Variants in DAB1 observed in about 807,000 individuals in gnomAD.
The protein encoded by DAB1 is DAB adaptor protein 1.
In DAB1, 15 loss-of-function variants were observed where a neutral mutation model predicts 64.6. The observed-to-expected ratio is 0.23, with a 90% CI of 0.16 to 0.36. The LOEUF (loss-of-function observed/expected upper bound fraction) is 0.36. Ranked by LOEUF, DAB1 falls within the 10% of genes least tolerant of loss-of-function variation. The pLI is 1.00. For synonymous variants in DAB1, 235 were observed against 251.9 expected, an observed-to-expected ratio of 0.93 and a Z score of 0.64; for missense variants, 596 against 706.7, an observed-to-expected ratio of 0.84 and a Z score of 1.78.
chr1:57,949,915 A>G (rs1253068915), intron 5 of DAB1, among the ~76,000 whole-genome samples: 1 of 152,184 alleles, frequency 6.6e-6, no homozygotes, highest in Non-Finnish European at 1.5e-5. Flanking sequence ...AAATCCTCAG[A>G]AAAGTCCTAG....
At chr1:58,024,718 G>A (rs1217316576) in intron 5 of DAB1, among the ~76,000 whole-genome samples, 5 of 152,130 alleles carry the variant, frequency 3.3e-5, no homozygotes, top group Non-Finnish European at 7.4e-5. Flanking sequence ...GGGTGTTTCT[G>A]GATGATATTA....
chr1:58,192,742 TA>T (rs1361559391), intron 4 of DAB1, among the ~76,000 whole-genome samples: 1 of 152,226 alleles, frequency 6.6e-6, no homozygotes, highest in Non-Finnish European at 1.5e-5. Flanking sequence ...ATATTTTTGC[TA>T]TTGTGAATAG....
chr1:58,425,660 T>C (rs747453453), intron 3 of DAB1, among the ~76,000 whole-genome samples: 60 of 152,190 alleles, frequency 3.9e-4, no homozygotes, highest in Non-Finnish European at 7.1e-4. Flanking sequence ...ATTTTAAGGA[T>C]AAGCAGAAAA....
In DAB1 at chr1:58,258,788, A is replaced by G. The variant is rs61779247; in HGVS notation, n.309+84564T>C. Among the ~76,000 whole-genome samples, 546 of 152,154 alleles carry G rather than the reference A, an allele frequency of 3.6e-3. 2 individuals carry two copies. The highest frequency in any genetic ancestry group is 6.6e-3 in the Non-Finnish European group (449 of 68,022). Reference sequence around the variant, plus strand: ...ATGTTTTCAATTAACGTGGGTTAGTAGGTGTTGAAGGGGGTCTATAGCAAT... The same window carrying G: ...ATGTTTTCAATTAACGTGGGTTAGTGGGTGTTGAAGGGGGTCTATAGCAAT... On this transcript the variant is annotated intron_variant and non_coding_transcript_variant, in intron 4 of 20. Coordinates refer to the DAB1 transcript ENST00000485760.
intron 7 of DAB1, among the ~76,000 whole-genome samples, chr1:57,478,903 T>C (rs1383177520): frequency 1.3e-5 from 2 of 152,044 alleles, no homozygotes; most frequent in Admixed American, 6.6e-5. Context: ...CCCGGCCCGG[T>C]TCCCATTCTT....
At position 58,476,080 on chromosome 1, in the gene DAB1, A is replaced by T. The variant is rs968414567; in HGVS notation, n.257+29980T>A. ...AAAAAACAAATCTGATTTTAGACCA[A>T]TGCTGCCCAGGACAAGGTCCCGGGC... On this transcript the variant is annotated intron_variant and non_coding_transcript_variant, in intron 3 of 20. Transcript: ENST00000485760. 2.0e-5 allele frequency among the ~76,000 whole-genome samples: 3 copies of T among 152,332 alleles called. No individual in the cohort carries two copies. The East Asian group carries it at 5.8e-4, about 29-fold the overall frequency.
At chr1:58,495,071 A>T (rs1289684821) in intron 3 of DAB1, among the ~76,000 whole-genome samples, 1 of 152,212 alleles carries the variant, frequency 6.6e-6, no homozygotes, top group Non-Finnish European at 1.5e-5. Context: ...CATATACAGC[A>T]TGGAATACTA....
At chr1:57,715,499 G>A (rs1647073605) in intron 6 of DAB1, among the ~76,000 whole-genome samples, 1 of 152,138 alleles carries the variant, frequency 6.6e-6, no homozygotes, top group Admixed American at 6.5e-5. Flanking sequence ...AAGCCAAATT[G>A]TTTCTGTTTG....
At chr1:57,982,510 T>G (rs1023758750) in intron 5 of DAB1, among the ~76,000 whole-genome samples, 2 of 152,184 alleles carry the variant, frequency 1.3e-5, no homozygotes, top group African/African-American at 4.8e-5. Context: ...CAAGCTGGTG[T>G]CAGGATGAGA....
At chr1:57,819,224 G>A (rs1002043665) in intron 6 of DAB1, among the ~76,000 whole-genome samples, 3 of 152,186 alleles carry the variant, frequency 2.0e-5, no homozygotes, top group African/African-American at 7.2e-5. Flanking sequence ...ATTTCAAGGC[G>A]CAGTTGAAAG....
chr1:58,042,284 C>A (rs890482718), intron 5 of DAB1, among the ~76,000 whole-genome samples: 1 of 152,204 alleles, frequency 6.6e-6, no homozygotes, highest in East Asian at 1.9e-4. Context: ...AATGGTACCA[C>A]ATTTTAATAA....
intron 10 of DAB1, 72 bp downstream of exon 10, chr1:57,025,909 A>T (rs1646769889): frequency 2.4e-6 from 3 of 1,260,054 alleles, no homozygotes; most frequent in Non-Finnish European, 3.3e-6. Context: ...CAAAGCCCAT[A>T]TTCTGGCCAC....
chr1:58,276,235 A>C (rs918895885), intron 4 of DAB1, among the ~76,000 whole-genome samples: 1 of 152,216 alleles, frequency 6.6e-6, no homozygotes, highest in Non-Finnish European at 1.5e-5. Context: ...AATTGAGTGC[A>C]TGACAATGTG....
intron 10 of DAB1, among the ~76,000 whole-genome samples, chr1:57,024,589 G>C (rs1248275199): frequency 6.6e-6 from 1 of 152,142 alleles, no homozygotes; most frequent in African/African-American, 2.4e-5. Flanking sequence ...TACCCATTTG[G>C]ACTGCGCTTG....
intron 4 of DAB1, among the ~76,000 whole-genome samples, chr1:57,087,809 G>T (rs1245024190): frequency 6.6e-6 from 1 of 152,142 alleles, no homozygotes; most frequent in African/African-American, 2.4e-5. Context: ...ATTCTGATTT[G>T]CAATGACTCA....
intron 4 of DAB1, among the ~76,000 whole-genome samples, chr1:57,101,242 G>C (rs1654661864): frequency 6.6e-6 from 1 of 152,154 alleles, no homozygotes; most frequent in East Asian, 1.9e-4. Flanking sequence ...AATCCTTTTT[G>C]AATCTCTTCT....
chr1:57,658,224 T>C (rs908894212), intron 6 of DAB1, among the ~76,000 whole-genome samples: 1 of 152,154 alleles, frequency 6.6e-6, no homozygotes, highest in Non-Finnish European at 1.5e-5. Flanking sequence ...CTTCTACCCC[T>C]GCTTCTATGT....
At chr1:57,840,848 C>T (rs1372546860) in intron 1 of DAB1, among the ~76,000 whole-genome samples, 1 of 152,200 alleles carries the variant, frequency 6.6e-6, no homozygotes, top group Non-Finnish European at 1.5e-5. Flanking sequence ...GGACACAGAA[C>T]CAAACCATAT....
At chr1:57,544,037 C>A (rs529494636) in intron 7 of DAB1, among the ~76,000 whole-genome samples, 4 of 152,198 alleles carry the variant, frequency 2.6e-5, no homozygotes, top group Admixed American at 2.6e-4. Flanking sequence ...GAGGTAGAAG[C>A]CAGAGTCTGG....
Sources: gnomAD v4.1 joint callset for allele counts (sites outside exome capture counted in the v4.1 genomes callset) on GRCh38, gnomAD v4.1.1 for gene constraint, MANE v1.5 for transcripts, NCBI Gene and HGNC (gene_info 2026-07-23, HGNC 2026-07-21) for gene names.